PDE10A: variants seen among roughly 807,000 people sequenced by gnomAD.
The protein encoded by PDE10A is phosphodiesterase 10A.
A neutral mutation model predicts 97.7 loss-of-function variants in PDE10A; 39 were observed. That is an observed-to-expected ratio of 0.40 (90% CI 0.31 to 0.52). PDE10A has a LOEUF of 0.52. Ranked by LOEUF, PDE10A falls within the 20% of genes least tolerant of loss-of-function variation. The probability of loss-of-function intolerance (pLI) is 0.56; values close to 1 mark genes in which losing one functional copy is unlikely to be tolerated. For synonymous variants in PDE10A, 371 were observed against 376.8 expected (o/e 0.98, Z 0.18); for missense variants, 731 against 1,047.8 (o/e 0.70, Z 4.17).
chr6:165,444,429 T>G (rs1422797044), intron 5 of PDE10A, among the ~76,000 whole-genome samples: 1 of 152,230 alleles, frequency 6.6e-6, no homozygotes, highest in Non-Finnish European at 1.5e-5. Flanking sequence ...AATAATGTAT[T>G]GATAACCTCT....
At chr6:165,759,338 C>T (rs1042485938) in intron 1 of PDE10A, among the ~76,000 whole-genome samples, 6 of 152,142 alleles carry the variant, frequency 3.9e-5, no homozygotes, top group Non-Finnish European at 7.4e-5. Flanking sequence ...CCAGGGACAG[C>T]GTTGAGAGAA....
At chr6:165,456,971 C>T (rs1483621377) in intron 3 of PDE10A, among the ~76,000 whole-genome samples, 1 of 152,112 alleles carries the variant, frequency 6.6e-6, no homozygotes, top group Non-Finnish European at 1.5e-5. Flanking sequence ...TGCAAATGTA[C>T]TACAAGAATA....
intron 3 of PDE10A, among the ~76,000 whole-genome samples, chr6:165,470,912 C>G (rs767991171): frequency 1.3e-5 from 2 of 152,142 alleles, no homozygotes; most frequent in Non-Finnish European, 2.9e-5. Flanking sequence ...GAGAAAAAAA[C>G]TAAAACAAAA....
At chr6:165,910,160 G>A (rs1782412262) in intron 1 of PDE10A, among the ~76,000 whole-genome samples, 1 of 152,182 alleles carries the variant, frequency 6.6e-6, no homozygotes, top group African/African-American at 2.4e-5. Flanking sequence ...GATGCAATGT[G>A]ATGACATGGA....
intron 18 of PDE10A, among the ~76,000 whole-genome samples, chr6:165,354,905 T>A (rs1224171583): frequency 1.3e-5 from 2 of 152,180 alleles, no homozygotes; most frequent in African/African-American, 4.8e-5. Flanking sequence ...TGTTAGGCAA[T>A]TCCTTACATA....
intron 1 of PDE10A, among the ~76,000 whole-genome samples, chr6:165,798,133 T>C (rs1335129722): frequency 2.6e-5 from 4 of 152,248 alleles, no homozygotes; most frequent in African/African-American, 9.6e-5. Context: ...GCAAATCATA[T>C]TAGCTTTTAA....
chr6:165,731,215 T>C (rs993048739), intron 1 of PDE10A, among the ~76,000 whole-genome samples: 3 of 151,940 alleles, frequency 2.0e-5, no homozygotes, highest in Non-Finnish European at 4.4e-5. Context: ...ATAGAGAACA[T>C]GATGGGCAAA....
intron 18 of PDE10A, among the ~76,000 whole-genome samples, chr6:165,349,896 T>C (rs1040576919): frequency 1.3e-5 from 2 of 152,182 alleles, no homozygotes; most frequent in South Asian, 2.1e-4. Context: ...AAGTCAAGAA[T>C]TGAGGTTTGG....
At chr6:165,874,400 C>G (rs1202179890) in intron 1 of PDE10A, among the ~76,000 whole-genome samples, 1 of 152,070 alleles carries the variant, frequency 6.6e-6, no homozygotes, top group Non-Finnish European at 1.5e-5. Flanking sequence ...CCAGAGTAAG[C>G]AGGGTACCTT....
At chr6:165,572,979 C>T (rs1486662232) in intron 1 of PDE10A, among the ~76,000 whole-genome samples, 2 of 152,152 alleles carry the variant, frequency 1.3e-5, no homozygotes, top group Non-Finnish European at 2.9e-5. Context: ...GTTTAGATGA[C>T]AATGCAAAAC....
intron 3 of PDE10A, among the ~76,000 whole-genome samples, chr6:165,479,681 TCTATA>T (rs1344722961): frequency 6.6e-6 from 1 of 152,158 alleles, no homozygotes; most frequent in East Asian, 1.9e-4. Flanking sequence ...ACAACTCCCC[TCTATA>T]CTATGAGAAC....
At chr6:165,950,658 A>G (rs1783924908) in intron 1 of PDE10A, among the ~76,000 whole-genome samples, 2 of 152,314 alleles carry the variant, frequency 1.3e-5, no homozygotes, top group South Asian at 4.1e-4. Context: ...TCTAGTCAGG[A>G]GGACAGCAGC....
chr6:165,462,985 C>A (rs1357078927), intron 3 of PDE10A, among the ~76,000 whole-genome samples: 1 of 152,052 alleles, frequency 6.6e-6, no homozygotes, highest in Non-Finnish European at 1.5e-5. Flanking sequence ...AGGATTGGAC[C>A]CAGTTAGAAA....
intron 2 of PDE10A, among the ~76,000 whole-genome samples, chr6:165,502,918 G>A (rs1322136644): frequency 6.6e-6 from 1 of 152,176 alleles, no homozygotes; most frequent in Admixed American, 6.6e-5. Context: ...GTTGATTGGG[G>A]TGGTAGTTAC....
intron 1 of PDE10A, among the ~76,000 whole-genome samples, chr6:165,610,843 G>A (rs1583640965): frequency 6.6e-6 from 1 of 152,158 alleles, no homozygotes; most frequent in East Asian, 1.9e-4. Context: ...ATCTTTTTCT[G>A]GTTTAAGTCC....
intron 1 of PDE10A, among the ~76,000 whole-genome samples, chr6:165,788,518 C>CAAAAAAAAAAAAAA (rs56927613): frequency 6.7e-5 from 5 of 74,762 alleles, no homozygotes; most frequent in Admixed American, 1.9e-4. Context: ...AACTCTGTCT[C>CAAAAAAAAAAAAAA]AAAAAAAAAA....
intron 1 of PDE10A, among the ~76,000 whole-genome samples, chr6:165,815,375 G>A (rs926621719): frequency 1.3e-5 from 2 of 152,184 alleles, no homozygotes; most frequent in African/African-American, 2.4e-5. Context: ...GGTCAAGCAC[G>A]AACAGTTTAG....
At chr6:165,667,976 A>C (rs891248846), upstream of PDE10A, among the ~76,000 whole-genome samples, 1 of 152,234 alleles carries the variant, frequency 6.6e-6, no homozygotes. Flanking sequence ...TAGAGTGCTG[A>C]AACAGTTTTC....
intron 1 of PDE10A, among the ~76,000 whole-genome samples, chr6:165,801,997 T>C (rs1778998926): frequency 6.6e-6 from 1 of 152,186 alleles, no homozygotes; most frequent in South Asian, 2.1e-4. Flanking sequence ...TGTAAAGGCC[T>C]GGAACTTCTG....
Sources: gnomAD v4.1 joint callset for allele counts (sites outside exome capture counted in the v4.1 genomes callset) on GRCh38, gnomAD v4.1.1 for gene constraint, MANE v1.5 for transcripts, NCBI Gene and HGNC (gene_info 2026-07-23, HGNC 2026-07-21) for gene names.